GABRA1: variants seen among roughly 807,000 people sequenced by gnomAD.
GABRA1 encodes the protein gamma-aminobutyric acid type A receptor subunit alpha1.
A neutral mutation model predicts 48.9 loss-of-function variants in GABRA1; 9 were observed. That is an observed-to-expected ratio of 0.18 (90% CI 0.11 to 0.32). GABRA1 has a LOEUF of 0.32. GABRA1 is among the 10% of genes least tolerant of loss of function. GABRA1 has a pLI of 1.00. For synonymous variants in GABRA1, 210 were observed against 198.7 expected (o/e 1.06, Z -0.48); for missense variants, 285 against 553.8 (o/e 0.51, Z 4.87).
chr5:161,894,913 A>G (rs533840767), intron 8 of GABRA1, among the ~76,000 whole-genome samples: 1 of 89,008 alleles, frequency 1.1e-5, no homozygotes, highest in African/African-American at 3.9e-5. Context: ...CTTATCAGAA[A>G]GAAAAAAGAT....
chr5:161,882,340 T>A, intron 6 of GABRA1: 1 of 577,168 alleles, frequency 1.7e-6, no homozygotes, highest in Non-Finnish European at 3.1e-6. Context: ...CCTTTGTAGA[T>A]CCTTATAACC....
chr5:161,873,053 G>T, intron 4 of GABRA1, 64 bp from the exon 5 acceptor site: 1 of 1,265,328 alleles, frequency 7.9e-7, no homozygotes, highest in South Asian at 1.2e-5. Flanking sequence ...CACTGTCTGC[G>T]TTAGATATTT....
intron 8 of GABRA1, among the ~76,000 whole-genome samples, chr5:161,893,228 T>G (rs1179009365): frequency 6.6e-6 from 1 of 152,034 alleles, no homozygotes; most frequent in Non-Finnish European, 1.5e-5. Context: ...ACATTGCTCT[T>G]AACTTTTTCA....
intron 8 of GABRA1, among the ~76,000 whole-genome samples, chr5:161,891,734 A>G (rs1755099455): frequency 6.6e-6 from 1 of 152,122 alleles, no homozygotes; most frequent in Admixed American, 6.5e-5. Flanking sequence ...CCCGTATACT[A>G]TTTCAACTGT....
At chr5:161,894,488 AAAAC>A (rs1755270015) in intron 8 of GABRA1, among the ~76,000 whole-genome samples, 1 of 152,184 alleles carries the variant, frequency 6.6e-6, no homozygotes, top group Non-Finnish European at 1.5e-5. Context: ...GAGAGAATGA[AAAAC>A]AAGTCATCCC....
intron 5 of GABRA1, among the ~76,000 whole-genome samples, chr5:161,874,749 C>T (rs1035516634): frequency 1.3e-5 from 2 of 152,104 alleles, no homozygotes; most frequent in Middle Eastern, 3.4e-3. Flanking sequence ...TATCTTACTA[C>T]GTTTCTTGAG....
chr5:161,851,428 T>C (rs940638795), intron 2 of GABRA1, among the ~76,000 whole-genome samples: 1 of 152,152 alleles, frequency 6.6e-6, no homozygotes, highest in Admixed American at 6.5e-5. Context: ...AGAACTTTGG[T>C]AAAATCAAAT....
intron 3 of GABRA1, among the ~76,000 whole-genome samples, chr5:161,854,770 T>C (rs1043157611): frequency 7.9e-5 from 12 of 151,648 alleles, no homozygotes; most frequent in African/African-American, 2.9e-4. Flanking sequence ...GGTTTAACTG[T>C]GCATTTGAAC....
At chr5:161,890,298 G>A (rs1755031069) in intron 7 of GABRA1, among the ~76,000 whole-genome samples, 1 of 152,018 alleles carries the variant, frequency 6.6e-6, no homozygotes, top group South Asian at 2.1e-4. Context: ...TTGAAGAACT[G>A]CATTCTTCAA....
At chr5:161,879,661 A>C (rs1269584588) in intron 6 of GABRA1, among the ~76,000 whole-genome samples, 1 of 152,128 alleles carries the variant, frequency 6.6e-6, no homozygotes, top group South Asian at 2.1e-4. Context: ...ACTAACTTGC[A>C]TCAGGTGAAT....
At chr5:161,865,230 G>T (rs1758006337) in intron 3 of GABRA1, among the ~76,000 whole-genome samples, 1 of 152,068 alleles carries the variant, frequency 6.6e-6, no homozygotes, top group Non-Finnish European at 1.5e-5. Flanking sequence ...GGATAACTCA[G>T]TTATGATTTA....
chr5:161,859,822 TGAC>T (rs1422149575), intron 3 of GABRA1, among the ~76,000 whole-genome samples: 2 of 151,900 alleles, frequency 1.3e-5, no homozygotes, highest in African/African-American at 4.8e-5. Flanking sequence ...TCTACATTAC[TGAC>T]GATTTCCAAA....
At chr5:161,897,087 A>C in intron 9 of GABRA1, 24 bp from the exon 10 acceptor site, 1 of 1,611,896 alleles carries the variant, frequency 6.2e-7, no homozygotes, top group Non-Finnish European at 8.5e-7. Context: ...ACTAAACAAA[A>C]TGCATTGCTC....
intron 3 of GABRA1, among the ~76,000 whole-genome samples, chr5:161,862,570 G>A (rs931628804): frequency 4.6e-5 from 7 of 151,692 alleles, no homozygotes; most frequent in Non-Finnish European, 7.4e-5. Context: ...AACTCTGTAG[G>A]TACTCACATC....
At chr5:161,890,536 C>T (rs1443463768) in intron 7 of GABRA1, among the ~76,000 whole-genome samples, 1 of 152,072 alleles carries the variant, frequency 6.6e-6, no homozygotes, top group African/African-American at 2.4e-5. Flanking sequence ...TGATCTGTTT[C>T]TGACCCATTG....
intron 8 of GABRA1, among the ~76,000 whole-genome samples, chr5:161,893,209 T>C (rs1377651648): frequency 1.3e-5 from 2 of 152,028 alleles, no homozygotes; most frequent in Non-Finnish European, 2.9e-5. Context: ...AGATGGTGTA[T>C]GTCAAAAAAC....
chr5:161,897,675 A>C lies in GABRA1; in HGVS notation c.*253A>C, dbSNP rs898332008. 4 of 461,366 alleles carry C rather than the reference A, an allele frequency of 8.7e-6. No homozygotes were observed. The highest frequency in any genetic ancestry group is 4.0e-5 in the African/African-American group (2 of 49,988). 28.6% of individuals were successfully genotyped at this position (461,366 alleles called of 1,614,324 possible). ...ATGTCAGAAGGAGACAGAATGAGAGAGAAAAGAGGGGGAAGATGGTTCAAA... is the reference window on the plus strand; with the variant it reads ...ATGTCAGAAGGAGACAGAATGAGAGCGAAAAGAGGGGGAAGATGGTTCAAA... On this transcript the variant is annotated 3_prime_UTR_variant, in exon 10 of 10. Coordinates refer to ENST00000393943, the MANE Select transcript of GABRA1 (RefSeq NM_001127644.2).
intron 2 of GABRA1, among the ~76,000 whole-genome samples, chr5:161,852,665 A>C (rs75301021): frequency 0.013 from 1,961 of 152,102 alleles, 52 homozygotes; most frequent in African/African-American, 0.044. Context: ...AAGATGTTTA[A>C]TTTTGCCAAA....
At chr5:161,861,992 A>G (rs893101203) in intron 3 of GABRA1, among the ~76,000 whole-genome samples, 2 of 151,930 alleles carry the variant, frequency 1.3e-5, no homozygotes, top group African/African-American at 4.8e-5. Context: ...CTCAGCAGAC[A>G]GCATTTCCGG....
Sources: allele counts gnomAD v4.1 joint callset (sites outside exome capture counted in the v4.1 genomes callset), GRCh38; gene constraint gnomAD v4.1.1; transcripts MANE v1.5; gene names NCBI Gene and HGNC (gene_info 2026-07-23, HGNC 2026-07-21).